OCA2: variants seen among roughly 807,000 people sequenced by gnomAD.
OCA2 encodes the protein P protein.
A neutral mutation model predicts 100.2 loss-of-function variants in OCA2; 77 were observed. The observed-to-expected ratio is 0.77, with a 90% CI of 0.64 to 0.93. The LOEUF (loss-of-function observed/expected upper bound fraction) is 0.93, where lower values mean the gene tolerates loss of function less well. OCA2 is among the 40% of genes least tolerant of loss of function. The probability of loss-of-function intolerance (pLI) is 0.00; values close to 1 mark genes in which losing one functional copy is unlikely to be tolerated. For synonymous variants in OCA2, 432 were observed against 439.2 expected (o/e 0.98, Z 0.21); for missense variants, 1,062 against 1,089.1 (o/e 0.98, Z 0.35).
intron 16 of OCA2, among the ~76,000 whole-genome samples, chr15:27,956,336 C>T (rs190631604): frequency 4.6e-5 from 7 of 152,188 alleles, no homozygotes; most frequent in African/African-American, 1.7e-4. Flanking sequence ...GGAACAAGAG[C>T]GAAACTCCGT....
intron 23 of OCA2, among the ~76,000 whole-genome samples, chr15:27,823,950 T>C (rs886807389): frequency 1.5e-4 from 23 of 151,950 alleles, no homozygotes; most frequent in Non-Finnish European, 2.9e-4. Flanking sequence ...AGCTTAAGAC[T>C]ACAAATAGCA....
intron 9 of OCA2, among the ~76,000 whole-genome samples, chr15:28,009,487 T>G (rs2042178437): frequency 6.6e-6 from 1 of 152,030 alleles, no homozygotes; most frequent in African/African-American, 2.4e-5. Flanking sequence ...CAGGAGTTCA[T>G]GACCAGCCTG....
At chr15:27,864,801 T>G (rs2036259893) in intron 21 of OCA2, among the ~76,000 whole-genome samples, 1 of 151,774 alleles carries the variant, frequency 6.6e-6, no homozygotes, top group Admixed American at 6.6e-5. Context: ...GTTGAAAAGT[T>G]AAGGTTTAAA....
rs547022189 is a variant in OCA2, at chr15:27,775,391, A to T, written c.2433-19919T>A. 1.3e-4 allele frequency among the ~76,000 whole-genome samples: 20 copies of T among 152,282 alleles called. No homozygotes were observed. The East Asian group carries it at 3.7e-3, about 28-fold the overall frequency. ...TGTGTGTCATTGGCTCCTGTACTGA[A>T]AAAGATCCCACACCTATGGAGATGG... On this transcript the variant is annotated intron_variant, in intron 23 of 23. Transcript: ENST00000354638.
At chr15:27,803,021 G>T (rs962146798) in intron 23 of OCA2, among the ~76,000 whole-genome samples, 2 of 152,080 alleles carry the variant, frequency 1.3e-5, no homozygotes, top group African/African-American at 4.8e-5. Flanking sequence ...ATCTTATAAA[G>T]GATTTGCATC....
intron 23 of OCA2, among the ~76,000 whole-genome samples, chr15:27,796,781 C>T (rs4238493): frequency 0.56 from 85,305 of 152,022 alleles, 26,677 homozygotes; most frequent in African/African-American, 0.84. Context: ...AAAAACTATA[C>T]GGAAAAATCT....
intron 23 of OCA2, among the ~76,000 whole-genome samples, chr15:27,834,690 G>T (rs536146024): frequency 2.6e-5 from 4 of 152,316 alleles, no homozygotes; most frequent in South Asian, 2.1e-4. Context: ...TGGTGTTGGA[G>T]AATTAAAGGA....
rs548366187 is a variant in OCA2 at position 27,931,950 on chromosome 15, C to A, written c.1952-5696G>T. ...TAAATCCAAATTGTTCTGTATGCCA[C>A]TTTTGGAAACCTGCTCTGTACCTGC... On this transcript the variant is annotated intron_variant, in intron 18 of 23. Transcript: ENST00000354638. Among the ~76,000 whole-genome samples, 40 of 152,284 alleles carry A rather than the reference C, an allele frequency of 2.6e-4. No individual in the cohort carries two copies. In the South Asian group the frequency reaches 8.1e-3, roughly 31 times the overall value.
chr15:27,912,244 A>G (rs1447783543), intron 19 of OCA2, among the ~76,000 whole-genome samples: 1 of 152,222 alleles, frequency 6.6e-6, no homozygotes, highest in Non-Finnish European at 1.5e-5. Flanking sequence ...GGAGGCCTAG[A>G]TTCAGCGACA....
At chr15:27,964,878 G>A (rs1461189577) in intron 15 of OCA2, among the ~76,000 whole-genome samples, 2 of 152,154 alleles carry the variant, frequency 1.3e-5, no homozygotes, top group African/African-American at 4.8e-5. Context: ...ATCACCAGGT[G>A]TGTCCACTTC....
At chr15:27,877,586 A>T (rs1402598946) in intron 19 of OCA2, among the ~76,000 whole-genome samples, 1 of 151,986 alleles carries the variant, frequency 6.6e-6, no homozygotes, top group Non-Finnish European at 1.5e-5. Context: ...CAATTACATT[A>T]TGTGCACTGA....
At chr15:27,893,870 C>T (rs2037572002) in intron 19 of OCA2, among the ~76,000 whole-genome samples, 1 of 152,160 alleles carries the variant, frequency 6.6e-6, no homozygotes, top group Admixed American at 6.5e-5. Flanking sequence ...ATCAGTGGTT[C>T]TGCTTTTGCC....
chr15:28,068,024 C>T (rs1293735210), intron 2 of OCA2, among the ~76,000 whole-genome samples: 1 of 152,178 alleles, frequency 6.6e-6, no homozygotes, highest in Non-Finnish European at 1.5e-5. Flanking sequence ...CGGTTGGGTG[C>T]ACAAATATTT....
intron 23 of OCA2, among the ~76,000 whole-genome samples, chr15:27,840,307 A>G (rs1280735140): frequency 6.6e-6 from 1 of 152,218 alleles, no homozygotes; most frequent in African/African-American, 2.4e-5. Context: ...ATAAAACAGA[A>G]CTAGATGAAT....
At chr15:27,831,005 A>G (rs888280757) in intron 23 of OCA2, among the ~76,000 whole-genome samples, 14 of 152,168 alleles carry the variant, frequency 9.2e-5, no homozygotes, top group African/African-American at 3.1e-4. Flanking sequence ...TAAAAATGCA[A>G]TAAAATGGGT....
intron 23 of OCA2, among the ~76,000 whole-genome samples, chr15:27,838,387 A>G (rs1056371469): frequency 1.3e-5 from 2 of 152,244 alleles, no homozygotes; most frequent in Admixed American, 6.5e-5. Flanking sequence ...CAGGAGGCCA[A>G]AAACAGCTGA....
intron 23 of OCA2, among the ~76,000 whole-genome samples, chr15:27,765,227 A>G (rs1452901628): frequency 6.6e-6 from 1 of 152,188 alleles, no homozygotes; most frequent in East Asian, 1.9e-4. Context: ...TGAGAGAGCC[A>G]GTGTCCTTAT....
intron 23 of OCA2, among the ~76,000 whole-genome samples, chr15:27,784,893 CAGAG>C (rs55682306): frequency 0.29 from 43,015 of 148,370 alleles, 9,806 homozygotes; most frequent in African/African-American, 0.62. Flanking sequence ...AAGAGAGAGA[CAGAG>C]AGAGAGAGAG....
intron 4 of OCA2, among the ~76,000 whole-genome samples, chr15:28,026,629 G>A (rs12441727): frequency 0.11 from 16,146 of 152,192 alleles, 1,199 homozygotes; most frequent in Middle Eastern, 0.24. Flanking sequence ...GTGTGGCCTT[G>A]GGCAAAAGCC....
Sources: gnomAD v4.1 joint callset for allele counts (sites outside exome capture counted in the v4.1 genomes callset) on GRCh38, gnomAD v4.1.1 for gene constraint, MANE v1.5 for transcripts, NCBI Gene and HGNC (gene_info 2026-07-23, HGNC 2026-07-21) for gene names.